The following SNX8 variants were observed in gnomAD, a reference collection of about 807,000 sequenced individuals.
The protein encoded by SNX8 is sorting nexin-8.
In SNX8, 25 loss-of-function variants were observed where a neutral mutation model predicts 51.6. The ratio of observed to expected loss-of-function variants is 0.48; its 90% confidence interval spans 0.35 to 0.68. The LOEUF (loss-of-function observed/expected upper bound fraction) is 0.68. Among genes scored for constraint, SNX8 ranks in the 30% least tolerant of loss-of-function variants. The pLI is 0.00. For synonymous variants in SNX8, 324 were observed against 277.0 expected (o/e 1.17, Z -1.68); for missense variants, 695 against 624.0 (o/e 1.11, Z -1.21).
chr7:2,256,362 C>T (rs1795177814), intron 10 of SNX8, among the ~76,000 whole-genome samples: 2 of 152,246 alleles, frequency 1.3e-5, no homozygotes, highest in African/African-American at 2.4e-5. Flanking sequence ...TTAATTTCAG[C>T]CGGGCACAAG....
upstream of SNX8, among the ~76,000 whole-genome samples, chr7:2,319,280 T>C (rs1796798892): frequency 1.3e-5 from 2 of 151,842 alleles, no homozygotes; most frequent in South Asian, 4.1e-4. Flanking sequence ...AGGCAGAGGT[T>C]GCAGTGAGCT....
chr7:2,343,845 C>G (rs1335789991), intron 1 of SNX8, among the ~76,000 whole-genome samples: 1 of 151,696 alleles, frequency 6.6e-6, no homozygotes, highest in African/African-American at 2.4e-5. Flanking sequence ...ATGGAGAAAT[C>G]CTGTCTCTAC....
intron 3 of SNX8, among the ~76,000 whole-genome samples, chr7:2,274,310 T>G (rs1795723724): frequency 6.6e-6 from 1 of 152,268 alleles, no homozygotes; most frequent in Non-Finnish European, 1.5e-5. Flanking sequence ...TGCGGGGAAC[T>G]GGCGACTGTG....
rs1295595512 is a variant in SNX8 at position 2,278,425 on chromosome 7, C to G, written c.95-120G>C. 1.9e-5 allele frequency: 12 copies of G among 623,668 alleles called. No individual in the cohort carries two copies. The Admixed American group carries it at 3.1e-4, about 16-fold the overall frequency. The allele number at this position is 623,668 out of a possible 1,614,324, so 38.6% of individuals were successfully genotyped here. A position where few individuals can be genotyped will look rare whatever the true frequency, so the allele number is the denominator to read the frequency against. ...TTGGGAGGCCCAGGAGGGAGTATCA[C>G]TTGAGCCCTGGAGTTCAAGACCAGC... On this transcript the variant is annotated intron_variant, in intron 1 of 10. Transcript: ENST00000222990.
intron 1 of SNX8, among the ~76,000 whole-genome samples, chr7:2,351,496 A>G (rs1017002811): frequency 2.0e-5 from 3 of 151,782 alleles, no homozygotes; most frequent in Admixed American, 1.3e-4. Flanking sequence ...GTGCGACGGC[A>G]CCACTGTACT....
chr7:2,313,126 C>G (rs1796691106), intron 1 of SNX8, among the ~76,000 whole-genome samples: 1 of 151,892 alleles, frequency 6.6e-6, no homozygotes, highest in Non-Finnish European at 1.5e-5. Context: ...GTCTTGATCT[C>G]CTGACCTCGT....
chr7:2,270,629 G>C (rs556350887), intron 4 of SNX8, among the ~76,000 whole-genome samples: 1 of 152,110 alleles, frequency 6.6e-6, no homozygotes, highest in East Asian at 1.9e-4. Context: ...TCCTCTGCTG[G>C]CAATGCAGAT....
chr7:2,346,618 C>T (rs1384961846), intron 1 of SNX8, among the ~76,000 whole-genome samples: 12 of 150,298 alleles, frequency 8.0e-5, no homozygotes, highest in Admixed American at 5.3e-4. Context: ...TGGTGGTGGG[C>T]ACCTGTAGTC....
At chr7:2,349,329 C>T (rs543007528) in intron 1 of SNX8, among the ~76,000 whole-genome samples, 28 of 152,152 alleles carry the variant, frequency 1.8e-4, no homozygotes, top group African/African-American at 6.3e-4. Context: ...TTCACACTGA[C>T]GCAGCCATCA....
chr7:2,257,888 G>A, intron 7 of SNX8, 85 bp from the exon 8 acceptor site: 2 of 1,342,738 alleles, frequency 1.5e-6, no homozygotes, highest in African/African-American at 1.4e-5. Flanking sequence ...CCTGGCCTGG[G>A]CCGGTTCCTT....
intron 7 of SNX8, 33 bp downstream of exon 7, chr7:2,263,197 G>C: frequency 6.2e-7 from 1 of 1,611,712 alleles, no homozygotes; most frequent in South Asian, 1.1e-5. Flanking sequence ...CGTGTTCTCT[G>C]GAACAGGCGC....
chr7:2,270,443 A>G (rs554243921), intron 4 of SNX8, among the ~76,000 whole-genome samples: 1 of 151,774 alleles, frequency 6.6e-6, no homozygotes, highest in East Asian at 1.9e-4. Flanking sequence ...CCTGGGTAAC[A>G]TAGTGAGACC....
At chr7:2,308,089 A>C (rs1284495571) in intron 1 of SNX8, 1 of 151,974 alleles carries the variant, frequency 6.6e-6, no homozygotes, top group Non-Finnish European at 1.5e-5. Flanking sequence ...GAGAGAGAGG[A>C]TGAGCAAGTT....
At chr7:2,344,917 T>C (rs778739428) in intron 1 of SNX8, among the ~76,000 whole-genome samples, 7 of 152,208 alleles carry the variant, frequency 4.6e-5, no homozygotes, top group Non-Finnish European at 7.3e-5. Context: ...ATCAGACATC[T>C]ACTTACATCA....
intron 1 of SNX8, among the ~76,000 whole-genome samples, chr7:2,303,883 T>C (rs1796477167): frequency 6.6e-6 from 1 of 151,748 alleles, no homozygotes; most frequent in African/African-American, 2.4e-5. Context: ...TCTGCCGACC[T>C]TCCCTCCACT....
intron 5 of SNX8, among the ~76,000 whole-genome samples, chr7:2,266,749 G>A (rs1429138553): frequency 2.0e-5 from 3 of 151,720 alleles, no homozygotes; most frequent in Non-Finnish European, 2.9e-5. Context: ...TCAAACTCCT[G>A]ACCTCAAGTG....
At chr7:2,263,473 C>T (rs977046938) in intron 6 of SNX8, 111 bp from the exon 7 acceptor site, 8 of 1,100,806 alleles carry the variant, frequency 7.3e-6, no homozygotes, top group Admixed American at 2.6e-5. Flanking sequence ...TGCGTGACCC[C>T]GTCCTAGGAC....
chr7:2,260,309 G>C (rs1444733006), intron 7 of SNX8, among the ~76,000 whole-genome samples: 1 of 152,136 alleles, frequency 6.6e-6, no homozygotes, highest in African/African-American at 2.4e-5. Flanking sequence ...TGTTGGCCAG[G>C]CTGGTCTCAA....
chr7:2,264,281 G>T lies in SNX8; in HGVS notation c.782+17C>A, dbSNP rs1205761612. The T allele has an allele frequency of 8.7e-6, 14 of 1,601,732 alleles. No homozygotes were observed. The highest frequency in any genetic ancestry group is 1.2e-5 in the Non-Finnish European group (14 of 1,171,432). On this transcript the variant is annotated intron_variant, in intron 6 of 10. Transcript: ENST00000222990. ...TCCCACCGCGCGTGCCCCTGCAGAA[G>T]CTGAAAGGTCACCTACCTTAGCTCC...
Sources: allele counts gnomAD v4.1 joint callset (sites outside exome capture counted in the v4.1 genomes callset), GRCh38; gene constraint gnomAD v4.1.1; transcripts MANE v1.5; gene names NCBI Gene and HGNC (gene_info 2026-07-23, HGNC 2026-07-21).